Variants in CALCRL observed in about 807,000 individuals in gnomAD.
The protein encoded by CALCRL is calcitonin receptor like receptor.
A neutral mutation model predicts 60.4 loss-of-function variants in CALCRL; 27 were observed. The observed-to-expected ratio is 0.45, with a 90% CI of 0.33 to 0.62. CALCRL has a LOEUF of 0.62. Among genes scored for constraint, CALCRL ranks in the 20% least tolerant of loss-of-function variants. The probability of loss-of-function intolerance (pLI) is 0.03; values close to 1 mark genes in which losing one functional copy is unlikely to be tolerated. For missense variants in CALCRL, 424 were observed against 540.7 expected, an observed-to-expected ratio of 0.78 and a Z score of 2.14; for synonymous variants, 190 against 182.6, an observed-to-expected ratio of 1.04 and a Z score of -0.33.
chr2:187,385,724 A>G, intron 3 of CALCRL, 93 bp from the exon 4 acceptor site: 2 of 671,340 alleles, frequency 3.0e-6, no homozygotes, highest in Non-Finnish European at 5.0e-6. Flanking sequence ...AAACTACACA[A>G]TAATTCAATA....
Position 187,383,309 on chromosome 2 carries a change from A to G in CALCRL, c.52-4T>C. The G allele has an allele frequency of 1.3e-6, 2 of 1,585,020 alleles. No individual in the cohort carries two copies. The highest frequency in any genetic ancestry group is 2.7e-5 in the African/African-American group (2 of 72,976). On this transcript the variant is annotated splice_region_variant and splice_polypyrimidine_tract_variant and intron_variant, in intron 4 of 14. Coordinates refer to ENST00000392370, the MANE Select transcript of CALCRL (RefSeq NM_005795.6). ...CTAATTCTGCTGTAACAAGAATCTA[A>G]GGGATTAAAAAAACAACAACATCAA...
chr2:187,381,492 C>T (rs1687984565), intron 5 of CALCRL, among the ~76,000 whole-genome samples: 1 of 151,624 alleles, frequency 6.6e-6, no homozygotes, highest in South Asian at 2.1e-4. Context: ...GAGTCTTGCT[C>T]TGTCGCCAGC....
chr2:187,398,666 G>A (rs112526660), intron 1 of CALCRL, among the ~76,000 whole-genome samples: 1 of 151,544 alleles, frequency 6.6e-6, no homozygotes, highest in Non-Finnish European at 1.5e-5. Flanking sequence ...ATTTAGCTTG[G>A]TCATGGACAT....
At chr2:187,418,427 C>A (rs2105866349) in intron 1 of CALCRL, among the ~76,000 whole-genome samples, 1 of 152,210 alleles carries the variant, frequency 6.6e-6, no homozygotes, top group East Asian at 1.9e-4. Flanking sequence ...TGTACATTCC[C>A]ATATCTACTT....
rs1688050255 is a variant in CALCRL at position 187,383,182 on chromosome 2, G to T, written c.175C>A (p.Gln59Lys). 6.2e-7 allele frequency: 1 copy of T among 1,607,866 alleles called. No homozygotes were observed. The highest frequency in any genetic ancestry group is 1.1e-5 in the South Asian group (1 of 89,448). Reference sequence around the variant, plus strand: ...AAGTAGCCATGCTTACCTTCTGCTTGTTGAATGGGGTCTTGCATAATCTTT... The same window carrying T: ...AAGTAGCCATGCTTACCTTCTGCTTTTTGAATGGGGTCTTGCATAATCTTT... ...YQKIMQDPIQ[Q>K]AEGVYCNRTW... Residue 59 changes from glutamine (Q) to lysine (K), a missense_variant, in exon 5 of 15, where the codon CAA becomes AAA. Around this residue, in one of 7 missense-constraint regions of CALCRL, gnomAD observed 108 missense variants for 132.9 expected, o/e 0.81. Coordinates refer to ENST00000392370, the MANE Select transcript of CALCRL (RefSeq NM_005795.6).
chr2:187,385,208 T>G (rs1268618856), intron 4 of CALCRL, among the ~76,000 whole-genome samples: 2 of 152,220 alleles, frequency 1.3e-5, no homozygotes, highest in Non-Finnish European at 2.9e-5. Context: ...CAGATCTAAC[T>G]CTGAATCTAC....
chr2:187,435,308 G>A (rs1417703577), intron 1 of CALCRL, among the ~76,000 whole-genome samples: 2 of 152,058 alleles, frequency 1.3e-5, no homozygotes, highest in Non-Finnish European at 2.9e-5. Context: ...AGCAAGAGAG[G>A]GAGCAGAAAG....
chr2:187,365,185 T>G (rs1157075480), intron 8 of CALCRL, among the ~76,000 whole-genome samples: 1 of 152,222 alleles, frequency 6.6e-6, no homozygotes, highest in East Asian at 1.9e-4. Context: ...ATAATTACTT[T>G]CTGTTCATTG....
intron 1 of CALCRL, among the ~76,000 whole-genome samples, chr2:187,399,772 A>G (rs1297662670): frequency 6.6e-6 from 1 of 151,616 alleles, no homozygotes; most frequent in African/African-American, 2.4e-5. Flanking sequence ...CTATTCAGCC[A>G]TAAAAAAGAA....
chr2:187,409,772 G>A (rs1401096473), intron 1 of CALCRL, among the ~76,000 whole-genome samples: 2 of 152,204 alleles, frequency 1.3e-5, no homozygotes. Flanking sequence ...TTCCCCAGAG[G>A]AAATGGTATT....
intron 1 of CALCRL, among the ~76,000 whole-genome samples, chr2:187,439,486 A>AAAAC (rs200092549): frequency 1.4e-3 from 217 of 152,216 alleles, no homozygotes; most frequent in Non-Finnish European, 2.5e-3. Context: ...TAAACAAAAC[A>AAAAC]AAACAAACAA....
chr2:187,352,008 T>C (rs1161606600), intron 13 of CALCRL, 47 bp from the exon 14 acceptor site: 2 of 1,548,072 alleles, frequency 1.3e-6, no homozygotes, highest in East Asian at 2.2e-5. Context: ...GAAAGATACA[T>C]GTATTTGTAA....
At chr2:187,365,691 A>G (rs1304424671) in intron 8 of CALCRL, among the ~76,000 whole-genome samples, 1 of 152,238 alleles carries the variant, frequency 6.6e-6, no homozygotes, top group Non-Finnish European at 1.5e-5. Flanking sequence ...ACATGAAAGA[A>G]GACTTTCAAA....
intron 1 of CALCRL, among the ~76,000 whole-genome samples, chr2:187,423,744 A>G (rs1323723132): frequency 2.0e-5 from 3 of 151,924 alleles, no homozygotes; most frequent in African/African-American, 7.3e-5. Flanking sequence ...ATAGAGAATA[A>G]TGAACTTTTT....
At chr2:187,409,601 G>T (rs1456967063) in intron 1 of CALCRL, among the ~76,000 whole-genome samples, 6 of 152,192 alleles carry the variant, frequency 3.9e-5, no homozygotes, top group Non-Finnish European at 8.8e-5. Flanking sequence ...CTAACACTTG[G>T]CTGGGTGTTG....
chr2:187,362,858 C>A (rs1199322874), intron 9 of CALCRL, among the ~76,000 whole-genome samples: 1 of 152,018 alleles, frequency 6.6e-6, no homozygotes. Flanking sequence ...ATGTACAATT[C>A]ATTCTTTTCC....
At position 187,360,765 on chromosome 2, in the gene CALCRL, A is replaced by T. The variant is rs761438823; in HGVS notation, c.628-14T>A. 11 of 1,586,376 alleles carry T rather than the reference A, an allele frequency of 6.9e-6. No homozygotes were observed. Among genetic ancestry groups the T allele is most frequent in the Non-Finnish European group, 9.4e-6 (11 of 1,171,592 alleles). ...TTTGCAACTAACCTGTGAGGAAAAA[A>T]AAAACCCCAATATTTACTTGTTTAT... On this transcript the variant is annotated splice_polypyrimidine_tract_variant and intron_variant, in intron 9 of 14. Transcript: ENST00000392370.
rs1686566793 is a variant in CALCRL at position 187,352,272 on chromosome 2, G to A, written c.970C>T (p.His324Tyr). ...RVLITKLKVT[H>Y]QAESNLYMKA... is the part of the protein sequence containing the mutation. The stretch of plus-strand genomic sequence containing the variant: ...ATGTACAGATTGGATTCCGCTTGGT[G>A]TGTAACTTTTAACTTGGTGATGAGA... The change falls in exon 13 of 15, where the codon CAC becomes TAC. Residue 324 changes from histidine (H) to tyrosine (Y), a missense_variant. This residue lies in a region of CALCRL where 222 missense variants were observed against 265.6 expected (regional missense o/e 0.84). Transcript: ENST00000392370. The A allele has an allele frequency of 6.2e-7, 1 of 1,612,082 alleles. No individual in the cohort carries two copies. Among genetic ancestry groups the A allele is most frequent in the African/African-American group, 1.3e-5 (1 of 74,742 alleles).
Position 187,380,626 on chromosome 2 carries a change from G to A in CALCRL, c.296-47C>T, listed in dbSNP as rs368759187. On this transcript the variant is annotated intron_variant, in intron 6 of 14. Coordinates refer to ENST00000392370, the MANE Select transcript of CALCRL (RefSeq NM_005795.6). ...GAAAACAGGAATTTAATTAACCTAG[G>A]ATTTATTAAATAGATGTCAAGGAGA... is the stretch of plus-strand genomic sequence containing the variant. The A allele has an allele frequency of 1.2e-4, 183 of 1,586,614 alleles. 1 individual carries two copies. Among genetic ancestry groups the A allele is most frequent in the Non-Finnish European group, 1.5e-4 (174 of 1,155,646 alleles).
Sources: allele counts gnomAD v4.1 joint callset (sites outside exome capture counted in the v4.1 genomes callset), GRCh38; gene constraint gnomAD v4.1.1; regional missense constraint gnomAD v4.1.1; transcripts MANE v1.5; gene names NCBI Gene and HGNC (gene_info 2026-07-23, HGNC 2026-07-21).